Variants in ARHGAP26 observed in about 807,000 individuals in gnomAD.
ARHGAP26 encodes the protein rho GTPase-activating protein 26.
A neutral mutation model predicts 104.8 loss-of-function variants in ARHGAP26; 38 were observed. The observed-to-expected ratio is 0.36, with a 90% CI of 0.28 to 0.48. The LOEUF is 0.48. ARHGAP26 is among the 20% of genes least tolerant of loss of function. ARHGAP26 has a pLI of 0.99. For synonymous variants in ARHGAP26, 341 were observed against 340.0 expected, an observed-to-expected ratio of 1.00 and a Z score of -0.03; for missense variants, 704 against 947.9, an observed-to-expected ratio of 0.74 and a Z score of 3.38.
chr5:143,134,336 G>C (rs1192320365), intron 19 of ARHGAP26, among the ~76,000 whole-genome samples: 1 of 152,182 alleles, frequency 6.6e-6, no homozygotes, highest in Non-Finnish European at 1.5e-5. Flanking sequence ...TCTCTTTCCA[G>C]ATCACCTGTG....
chr5:142,887,702 T>G (rs1757917003), intron 5 of ARHGAP26, among the ~76,000 whole-genome samples: 1 of 152,214 alleles, frequency 6.6e-6, no homozygotes, highest in Non-Finnish European at 1.5e-5. Flanking sequence ...CATTGCTTTT[T>G]AGTTGTAACT....
chr5:143,080,516 G>A (rs907038173), intron 17 of ARHGAP26, among the ~76,000 whole-genome samples: 3 of 152,082 alleles, frequency 2.0e-5, no homozygotes, highest in Non-Finnish European at 2.9e-5. Flanking sequence ...AAGTGAGAGA[G>A]CAAAGCCCTG....
chr5:142,872,605 C>T (rs1412108082), intron 1 of ARHGAP26, among the ~76,000 whole-genome samples: 1 of 152,250 alleles, frequency 6.6e-6, no homozygotes, highest in Non-Finnish European at 1.5e-5. Context: ...GGAAGGATCA[C>T]TGGCTTTCAT....
At chr5:142,954,722 T>C (rs1768936333) in intron 11 of ARHGAP26, among the ~76,000 whole-genome samples, 1 of 152,210 alleles carries the variant, frequency 6.6e-6, no homozygotes, top group South Asian at 2.1e-4. Context: ...AGTGGTGATA[T>C]GACGTCAACT....
chr5:142,906,394 T>C (rs1345490733), intron 8 of ARHGAP26, among the ~76,000 whole-genome samples: 2 of 152,232 alleles, frequency 1.3e-5, no homozygotes, highest in Admixed American at 6.5e-5. Flanking sequence ...TTTACTATGA[T>C]GGTTGCAAAA....
intron 11 of ARHGAP26, among the ~76,000 whole-genome samples, chr5:142,938,259 A>G (rs1378257283): frequency 6.6e-6 from 1 of 152,176 alleles, no homozygotes; most frequent in Non-Finnish European, 1.5e-5. Flanking sequence ...AAAAAACAAC[A>G]AAGTTAGCTA....
At chr5:142,987,604 C>A (rs1774960543) in intron 11 of ARHGAP26, among the ~76,000 whole-genome samples, 1 of 152,102 alleles carries the variant, frequency 6.6e-6, no homozygotes, top group Non-Finnish European at 1.5e-5. Context: ...CCAGTTTTTG[C>A]CCATTCAGTA....
At position 142,770,699 on chromosome 5, in the gene ARHGAP26, C is replaced by T. The variant is rs929516497; in HGVS notation, c.-63C>T. 6.0e-5 allele frequency: 65 copies of T among 1,085,794 alleles called. No homozygotes were observed. Among genetic ancestry groups the T allele is most frequent in the East Asian group, 1.8e-4 (3 of 16,676 alleles). The allele number at this position is 1,085,794 out of a possible 1,614,324, so 67.3% of individuals were successfully genotyped here. On this transcript the variant is annotated 5_prime_UTR_variant, in exon 1 of 23. Transcript: ENST00000645722. ...GCCGGGGTCCCGCCGCGTGAGTGCT[C>T]TGGGCGGCGGGCGGCCCGGGCCCCG...
intron 19 of ARHGAP26, among the ~76,000 whole-genome samples, chr5:143,145,887 C>A (rs1345111795): frequency 1.3e-5 from 2 of 152,120 alleles, no homozygotes; most frequent in Non-Finnish European, 2.9e-5. Flanking sequence ...ACTCTAGAAT[C>A]ACTTTGTAAG....
At chr5:143,100,862 G>A (rs1599014878) in intron 17 of ARHGAP26, among the ~76,000 whole-genome samples, 3 of 152,194 alleles carry the variant, frequency 2.0e-5, no homozygotes, top group Admixed American at 6.5e-5. Flanking sequence ...AGGCCAATGC[G>A]GGAGGATCAC....
chr5:142,780,241 A>G (rs375884155), intron 1 of ARHGAP26, among the ~76,000 whole-genome samples: 14 of 151,660 alleles, frequency 9.2e-5, no homozygotes, highest in Admixed American at 8.6e-4. Flanking sequence ...TAGTGTATGT[A>G]ACCATTCCCC....
At chr5:142,834,826 C>T (rs546510939) in intron 1 of ARHGAP26, among the ~76,000 whole-genome samples, 1 of 152,366 alleles carries the variant, frequency 6.6e-6, no homozygotes, top group East Asian at 1.9e-4. Context: ...AAACTGCCTC[C>T]AACTCTGAAT....
At chr5:142,865,183 C>T (rs1754045714) in intron 1 of ARHGAP26, among the ~76,000 whole-genome samples, 1 of 152,154 alleles carries the variant, frequency 6.6e-6, no homozygotes, top group African/African-American at 2.4e-5. Context: ...GGGCTGGGCT[C>T]TTTAGGGGTT....
chr5:142,784,445 A>G (rs1243953911), intron 1 of ARHGAP26, among the ~76,000 whole-genome samples: 1 of 152,224 alleles, frequency 6.6e-6, no homozygotes, highest in African/African-American at 2.4e-5. Flanking sequence ...TTGTACATGA[A>G]GATGATCACC....
rs762317696 is a variant in ARHGAP26 at position 142,963,215 on chromosome 5, TGTGTGCGC to T, written c.1107+31096_1107+31103del. Reference sequence around the variant, plus strand: ...ATATATATATGTGTGTGTGTGTGTGTGTGTGCGCGTGTGTGTGTGTACCACATTTTCTT... The same window carrying T: ...ATATATATATGTGTGTGTGTGTGTGTGTGTGTGTGTGTACCACATTTTCTT... On this transcript the variant is annotated intron_variant, in intron 11 of 22. Transcript: ENST00000645722. Among the ~76,000 whole-genome samples the T allele has an allele frequency of 4.5e-3, 484 of 107,978 alleles. 15 individuals are homozygous for T. The highest frequency in any genetic ancestry group is 0.017 in the Admixed American group (192 of 11,362). 70.8% of individuals were successfully genotyped at this position (107,978 alleles called of 152,430 possible).
chr5:143,208,078 T>C (rs1333271873), intron 21 of ARHGAP26, among the ~76,000 whole-genome samples: 3 of 152,180 alleles, frequency 2.0e-5, no homozygotes, highest in Non-Finnish European at 4.4e-5. Flanking sequence ...GCACTACCTC[T>C]CTCTGAGGGA....
At chr5:142,881,201 G>A (rs1402683076) in intron 4 of ARHGAP26, among the ~76,000 whole-genome samples, 1 of 152,218 alleles carries the variant, frequency 6.6e-6, no homozygotes, top group Non-Finnish European at 1.5e-5. Context: ...CGGGGGTTAT[G>A]CAGAGCTTGG....
chr5:143,073,637 C>T (rs2150391079), intron 17 of ARHGAP26, among the ~76,000 whole-genome samples: 1 of 152,196 alleles, frequency 6.6e-6, no homozygotes, highest in East Asian at 1.9e-4. Flanking sequence ...TGTACCAGGC[C>T]TTCAGTTTCT....
intron 17 of ARHGAP26, among the ~76,000 whole-genome samples, chr5:143,090,318 G>A (rs1327566153): frequency 6.6e-6 from 1 of 152,260 alleles, no homozygotes; most frequent in Non-Finnish European, 1.5e-5. Flanking sequence ...CCTGCTGTGC[G>A]CACAAGCATA....
Sources: gnomAD v4.1 joint callset for allele counts (sites outside exome capture counted in the v4.1 genomes callset) on GRCh38, gnomAD v4.1.1 for gene constraint, MANE v1.5 for transcripts, NCBI Gene and HGNC (gene_info 2026-07-23, HGNC 2026-07-21) for gene names.